LAMB4: variants seen among roughly 807,000 people sequenced by gnomAD.
LAMB4 encodes the protein laminin subunit beta 4.
A neutral mutation model predicts 199.2 loss-of-function variants in LAMB4; 196 were observed. The ratio of observed to expected loss-of-function variants is 0.98; its 90% CI spans 0.88 to 1.11. The LOEUF (loss-of-function observed/expected upper bound fraction) is 1.11, where lower values mean the gene tolerates loss of function less well. Ranked by LOEUF, LAMB4 falls within the 50% of genes least tolerant of loss-of-function variation. The probability of loss-of-function intolerance (pLI) is 0.00; values close to 1 mark genes in which losing one functional copy is unlikely to be tolerated. For missense variants in LAMB4, 2,080 were observed against 2,171.2 expected (o/e 0.96, Z 0.83); for synonymous variants, 744 against 770.6 (o/e 0.97, Z 0.57).
intron 17 of LAMB4, 94 bp downstream of exon 17, chr7:108,076,850 C>T (rs749517294): frequency 5.0e-6 from 7 of 1,402,286 alleles, no homozygotes; most frequent in Middle Eastern, 1.8e-4. Flanking sequence ...AATACGTTTA[C>T]ATTTTTAAAG....
chr7:108,087,858 C>T (rs1302536836), intron 14 of LAMB4, among the ~76,000 whole-genome samples: 1 of 152,172 alleles, frequency 6.6e-6, no homozygotes, highest in Non-Finnish European at 1.5e-5. Context: ...ATGTTTTTCC[C>T]CAGAGGCTCT....
chr7:108,078,140 A>T, intron 16 of LAMB4, 61 bp downstream of exon 16: 1 of 1,090,418 alleles, frequency 9.2e-7, no homozygotes, highest in Non-Finnish European at 1.4e-6. Flanking sequence ...GAAACAAATT[A>T]CTGATAAGTG....
chr7:108,031,055 C>A, intron 31 of LAMB4, 76 bp from the exon 32 acceptor site: 1 of 1,277,542 alleles, frequency 7.8e-7, no homozygotes. Flanking sequence ...ATATTAACCC[C>A]TTGAAAAATA....
chr7:108,129,510 G>A (rs2038907746), intron 1 of LAMB4, among the ~76,000 whole-genome samples: 1 of 151,642 alleles, frequency 6.6e-6, no homozygotes, highest in Non-Finnish European at 1.5e-5. Flanking sequence ...TCATAGTGAG[G>A]AATGCAGAAT....
At chr7:108,109,719 C>G (rs1188980885) in intron 4 of LAMB4, among the ~76,000 whole-genome samples, 1 of 152,062 alleles carries the variant, frequency 6.6e-6, no homozygotes, top group Non-Finnish European at 1.5e-5. Context: ...GGAGTATTCC[C>G]CTTGGAGTGG....
intron 29 of LAMB4, among the ~76,000 whole-genome samples, chr7:108,042,563 T>C (rs899941617): frequency 6.6e-6 from 1 of 152,152 alleles, no homozygotes; most frequent in Non-Finnish European, 1.5e-5. Context: ...AGCTTACTCA[T>C]TGAAAGTTTG....
In LAMB4 at chr7:108,098,437, G is replaced by A. The variant is rs1735499; in HGVS notation, c.1326C>T (p.Tyr442=). 612,143 of 1,611,806 alleles carry A rather than the reference G, an allele frequency of 0.38. 118,820 individuals carry two copies. The highest frequency in any genetic ancestry group is 0.4 in the Non-Finnish European group (476,765 of 1,179,052). ...AKCDQCKPNH[Y]GLSATDPLGC... Reference sequence around the variant, plus strand: ...CCAGGGGGTCGGTGGCGCTTAGTCCGTAGTGGTTGGGTTTGCACTGGTCGC... The same window carrying A: ...CCAGGGGGTCGGTGGCGCTTAGTCCATAGTGGTTGGGTTTGCACTGGTCGC... The change falls in exon 11 of 34, where the codon TAC becomes TAT. Residue 442 remains tyrosine (Y), a synonymous_variant. Transcript: ENST00000388781.
the LAMB4 span, among the ~76,000 whole-genome samples, chr7:108,015,886 C>CAAT: frequency 6.6e-6 from 1 of 151,134 alleles, no homozygotes; most frequent in Non-Finnish European, 1.5e-5. Flanking sequence ...CAGTTTTGTT[C>CAAT]AATAACATTT....
intron 8 of LAMB4, 115 bp from the exon 9 acceptor site, chr7:108,104,734 CAT>C: frequency 8.5e-7 from 1 of 1,173,612 alleles, no homozygotes; most frequent in Non-Finnish European, 1.2e-6. Context: ...CTTAGTTTCC[CAT>C]ATGTTAATTA....
chr7:108,079,875 T>C, intron 14 of LAMB4, 89 bp from the exon 15 acceptor site: 1 of 890,282 alleles, frequency 1.1e-6, no homozygotes, highest in Non-Finnish European at 1.7e-6. Context: ...CACCACCCCC[T>C]GTATTTCCTG....
chr7:108,130,061 G>C (rs775502178), intron 1 of LAMB4, among the ~76,000 whole-genome samples: 1 of 152,132 alleles, frequency 6.6e-6, no homozygotes, highest in African/African-American at 2.4e-5. Context: ...GTACAGTAAG[G>C]CTCAAGTTGT....
At chr7:108,073,740 A>G (rs2036607522) in intron 17 of LAMB4, among the ~76,000 whole-genome samples, 1 of 152,222 alleles carries the variant, frequency 6.6e-6, no homozygotes, top group African/African-American at 2.4e-5. Flanking sequence ...GTCTGTAACA[A>G]TGAAATGTGC....
At chr7:108,032,715 T>C (rs1300393369) in intron 31 of LAMB4, among the ~76,000 whole-genome samples, 2 of 152,048 alleles carry the variant, frequency 1.3e-5, no homozygotes, top group African/African-American at 2.4e-5. Flanking sequence ...TGTGTGTGTG[T>C]GTGTGTGTGT....
At chr7:108,071,287 C>T (rs1454900792) in intron 17 of LAMB4, among the ~76,000 whole-genome samples, 2 of 152,142 alleles carry the variant, frequency 1.3e-5, no homozygotes, top group South Asian at 4.1e-4. Flanking sequence ...CAAGCCAATG[C>T]AATACTTCTC....
intron 33 of LAMB4, chr7:108,026,695 A>G (rs989902053): frequency 1.2e-5 from 3 of 251,958 alleles, no homozygotes; most frequent in African/African-American, 6.7e-5. Context: ...CCCGACTGAC[A>G]CCAAGTTCTG....
rs1187122504 is a variant in LAMB4, at chr7:108,104,676, G to A, written c.871-57C>T. ...AGGGCTTGTCCTTGGGGACGTTGGG[G>A]TTCTTTAAATGGGAAATGAAATACC... On this transcript the variant is annotated intron_variant, in intron 8 of 33. Coordinates refer to ENST00000388781, the MANE Select transcript of LAMB4 (RefSeq NM_007356.3). 8.2e-6 allele frequency: 13 copies of A among 1,582,248 alleles called. 1 individual carries two copies. The highest frequency in any genetic ancestry group is 1.7e-4 in the Middle Eastern group (1 of 5,934).
At chr7:108,110,447 C>T (rs562499571) in intron 4 of LAMB4, among the ~76,000 whole-genome samples, 3 of 152,284 alleles carry the variant, frequency 2.0e-5, no homozygotes, top group East Asian at 1.9e-4. Context: ...ACTGCTCACA[C>T]GGGACAGTAT....
At chr7:108,116,642 T>A (rs906445268) in intron 2 of LAMB4, among the ~76,000 whole-genome samples, 1 of 152,194 alleles carries the variant, frequency 6.6e-6, no homozygotes, top group Non-Finnish European at 1.5e-5. Flanking sequence ...TGGAAGGCAT[T>A]TTTTATTCAA....
At chr7:108,035,795 T>C (rs1454465804) in intron 30 of LAMB4, among the ~76,000 whole-genome samples, 1 of 152,050 alleles carries the variant, frequency 6.6e-6, no homozygotes, top group African/African-American at 2.4e-5. Flanking sequence ...ACCTGCTTTT[T>C]AAAAAGCATT....
Sources: gnomAD v4.1 joint callset for allele counts (sites outside exome capture counted in the v4.1 genomes callset) on GRCh38, gnomAD v4.1.1 for gene constraint, MANE v1.5 for transcripts, NCBI Gene and HGNC (gene_info 2026-07-23, HGNC 2026-07-21) for gene names.